TMEM131L: variants seen among roughly 807,000 people sequenced by gnomAD.
The protein encoded by TMEM131L is transmembrane protein 131-like.
A neutral mutation model predicts 192.2 loss-of-function variants in TMEM131L; 54 were observed. The observed-to-expected ratio is 0.28, with a 90% CI of 0.23 to 0.35. The LOEUF is 0.35. Among genes scored for constraint, TMEM131L ranks in the 10% least tolerant of loss-of-function variants. The pLI is 1.00. For missense variants in TMEM131L, 1,888 were observed against 1,972.9 expected, an observed-to-expected ratio of 0.96 and a Z score of 0.82; for synonymous variants, 701 against 704.9, an observed-to-expected ratio of 0.99 and a Z score of 0.09.
At chr4:153,620,961 T>TA (rs1282579517) in intron 27 of TMEM131L, 81 bp downstream of exon 27, 2 of 1,043,106 alleles carry the variant, frequency 1.9e-6, no homozygotes, top group African/African-American at 3.4e-5. Flanking sequence ...CTTTTAAACT[T>TA]ATTTCGGTGA....
Position 153,592,459 on chromosome 4 carries a change from C to T in TMEM131L, c.1813-16C>T, listed in dbSNP as rs766234321. ...TGTCCCTCTCGGGGTTTTAACTTTT[C>T]TTTCCTCACACCTAGATCAAGTACT... On this transcript the variant is annotated splice_polypyrimidine_tract_variant and intron_variant, in intron 17 of 34. Coordinates refer to ENST00000409959, the MANE Select transcript of TMEM131L (RefSeq NM_001131007.2). The T allele has an allele frequency of 3.5e-5, 56 of 1,596,974 alleles. No homozygotes were observed. Among genetic ancestry groups the T allele is most frequent in the Non-Finnish European group, 4.4e-5 (51 of 1,164,638 alleles).
At chr4:153,477,089 T>G (rs1731593543) in intron 3 of TMEM131L, among the ~76,000 whole-genome samples, 2 of 152,180 alleles carry the variant, frequency 1.3e-5, no homozygotes, top group Admixed American at 6.5e-5. Flanking sequence ...GATACATTCT[T>G]GAGGCGGGAC....
intron 28 of TMEM131L, among the ~76,000 whole-genome samples, chr4:153,622,438 A>G (rs750993739): frequency 5.3e-5 from 8 of 151,724 alleles, no homozygotes; most frequent in Non-Finnish European, 1.2e-4. Flanking sequence ...TTCTATCTCC[A>G]CCCTCTCTTT....
In TMEM131L at chr4:153,586,240, C is replaced by G; in HGVS notation, c.1343C>G (p.Pro448Arg). Residue 448 changes from proline to arginine, a missense_variant, in exon 14 of 35, where the codon CCT (proline) becomes CGT (arginine). Coordinates refer to ENST00000409959, the MANE Select transcript of TMEM131L (RefSeq NM_001131007.2). ...AATTTCACTGGCCCTTTATTTCTAC[C>G]TCCAGGCTGTTGGAATATATTTTCT... ...ILNFTGPLFL[P>R]PGCWNIFSLK... 6.3e-7 allele frequency: 1 copy of G among 1,581,118 alleles called. No homozygotes were observed. The highest frequency in any genetic ancestry group is 1.2e-5 in the South Asian group (1 of 82,104).
intron 3 of TMEM131L, among the ~76,000 whole-genome samples, chr4:153,481,757 C>T (rs531092755): frequency 7.9e-5 from 12 of 152,196 alleles, no homozygotes; most frequent in Non-Finnish European, 1.6e-4. Context: ...AGTCTTGTCT[C>T]GAACTCCTGG....
chr4:153,536,139 T>G (rs1443872868), intron 3 of TMEM131L, among the ~76,000 whole-genome samples: 5 of 152,146 alleles, frequency 3.3e-5, no homozygotes, highest in African/African-American at 1.2e-4. Flanking sequence ...GGGGAAGTTG[T>G]TAGGATCTGG....
chr4:153,492,182 AAAAG>A (rs1223891945), intron 3 of TMEM131L, among the ~76,000 whole-genome samples: 4 of 152,060 alleles, frequency 2.6e-5, no homozygotes, highest in Admixed American at 6.6e-5. Context: ...TAAAAAAAAA[AAAAG>A]AAGGTTTTTA....
At chr4:153,487,218 G>A (rs1732402708) in intron 3 of TMEM131L, among the ~76,000 whole-genome samples, 1 of 152,200 alleles carries the variant, frequency 6.6e-6, no homozygotes, top group African/African-American at 2.4e-5. Context: ...ATAATGAGAG[G>A]TAGAAATAGT....
At chr4:153,577,187 A>C (rs941371131) in intron 7 of TMEM131L, among the ~76,000 whole-genome samples, 1 of 152,136 alleles carries the variant, frequency 6.6e-6, no homozygotes, top group Non-Finnish European at 1.5e-5. Flanking sequence ...AGCAGAAACG[A>C]GACCAGTGAG....
intron 3 of TMEM131L, among the ~76,000 whole-genome samples, chr4:153,519,813 C>T (rs1247302105): frequency 6.6e-6 from 1 of 152,172 alleles, no homozygotes; most frequent in Non-Finnish European, 1.5e-5. Flanking sequence ...TCTGAAGAAC[C>T]TGCTATATCA....
At chr4:153,541,321 G>A (rs1185290286) in intron 3 of TMEM131L, among the ~76,000 whole-genome samples, 2 of 152,180 alleles carry the variant, frequency 1.3e-5, no homozygotes, top group Non-Finnish European at 2.9e-5. Context: ...ATATAATAAT[G>A]TATTTTAAAA....
chr4:153,490,491 T>A (rs549498623), intron 3 of TMEM131L, among the ~76,000 whole-genome samples: 1 of 152,178 alleles, frequency 6.6e-6, no homozygotes, highest in African/African-American at 2.4e-5. Context: ...TTTGAAAGTA[T>A]GTTTAGGGAG....
chr4:153,549,996 A>G (rs1167154273), intron 3 of TMEM131L, 77 bp from the exon 4 acceptor site: 3 of 617,090 alleles, frequency 4.9e-6, no homozygotes, highest in South Asian at 2.5e-5. Flanking sequence ...ATTGAGAGTC[A>G]TTAGTCTAAG....
Position 153,604,342 on chromosome 4 carries a change from C to T in TMEM131L, c.3330C>T (p.Thr1110=), listed in dbSNP as rs1732066039. Residue 1110 remains threonine (T), a synonymous_variant, in exon 25 of 35, where the codon ACC becomes ACT. Transcript: ENST00000409959. ...AACGGGAGCTCTGTCCACTGAAGAC[C>T]TCCAAGAAACTACCTGAAAACCATT... ...FKERELCPLK[T]SKKLPENHLP... 1 of 1,614,064 alleles carries T rather than the reference C, an allele frequency of 6.2e-7. No homozygotes were observed. Among genetic ancestry groups the T allele is most frequent in the East Asian group, 2.2e-5 (1 of 44,876 alleles).
chr4:153,584,555 C>T (rs1428986154), intron 11 of TMEM131L, among the ~76,000 whole-genome samples: 6 of 152,166 alleles, frequency 3.9e-5, no homozygotes, highest in African/African-American at 1.4e-4. Flanking sequence ...CTTTCTTGCT[C>T]GTGCCTCCAC....
intron 31 of TMEM131L, among the ~76,000 whole-genome samples, chr4:153,631,236 G>T (rs1734188844): frequency 6.6e-6 from 1 of 152,180 alleles, no homozygotes; most frequent in South Asian, 2.1e-4. Context: ...GGCATTTAAG[G>T]GAGCCCTTGG....
At chr4:153,618,924 C>T (rs955283770) in intron 26 of TMEM131L, among the ~76,000 whole-genome samples, 1 of 152,192 alleles carries the variant, frequency 6.6e-6, no homozygotes, top group African/African-American at 2.4e-5. Flanking sequence ...CATCCCTCCT[C>T]ACTGCCCAGT....
intron 26 of TMEM131L, among the ~76,000 whole-genome samples, chr4:153,614,139 T>G (rs113651958): frequency 6.6e-6 from 1 of 152,026 alleles, no homozygotes; most frequent in East Asian, 1.9e-4. Context: ...GCCCTGCAGG[T>G]AGAGGAACCA....
At chr4:153,471,950 C>CA (rs1211093268) in intron 2 of TMEM131L, among the ~76,000 whole-genome samples, 2 of 152,110 alleles carry the variant, frequency 1.3e-5, no homozygotes, top group African/African-American at 4.8e-5. Context: ...AAATGATACA[C>CA]AGAGTTTTTG....
Sources: allele counts gnomAD v4.1 joint callset (sites outside exome capture counted in the v4.1 genomes callset), GRCh38; gene constraint gnomAD v4.1.1; transcripts MANE v1.5; gene names NCBI Gene and HGNC (gene_info 2026-07-23, HGNC 2026-07-21).